Variants in GNG12 observed in about 807,000 individuals in gnomAD.
The protein encoded by GNG12 is G protein subunit gamma 12.
For synonymous variants in GNG12, 28 were observed against 29.7 expected (o/e 0.94, Z 0.19); for missense variants, 69 against 83.8 (o/e 0.82, Z 0.69).
At chr1:67,799,492 C>A (rs1472798644) in intron 1 of GNG12, among the ~76,000 whole-genome samples, 1 of 152,078 alleles carries the variant, frequency 6.6e-6, no homozygotes. Context: ...TAGGTACTGC[C>A]AATGAACCCA....
chr1:67,760,492 G>T (rs559546538), intron 2 of GNG12, among the ~76,000 whole-genome samples: 2 of 152,284 alleles, frequency 1.3e-5, no homozygotes, highest in Non-Finnish European at 2.9e-5. Flanking sequence ...GCTGATGGAC[G>T]GGTGATGTGT....
chr1:67,803,126 T>G (rs770359736), intron 1 of GNG12, among the ~76,000 whole-genome samples: 37 of 152,214 alleles, frequency 2.4e-4, no homozygotes, highest in Non-Finnish European at 4.7e-4. Context: ...AAACATTTCT[T>G]AGATTACATT....
chr1:67,832,553 T>C (rs1647053462), intron 1 of GNG12: 1 of 151,740 alleles, frequency 6.6e-6, no homozygotes, highest in South Asian at 2.1e-4. Context: ...TATGCCCTAA[T>C]TAAAATGAAA....
At chr1:67,732,370 C>T (rs1018771826) in intron 2 of GNG12, among the ~76,000 whole-genome samples, 2 of 152,244 alleles carry the variant, frequency 1.3e-5, no homozygotes, top group African/African-American at 4.8e-5. Flanking sequence ...CAGCCTAACC[C>T]TTGGCCTTGT....
chr1:67,831,143 T>C (rs1170006672), intron 1 of GNG12, among the ~76,000 whole-genome samples: 1 of 152,242 alleles, frequency 6.6e-6, no homozygotes, highest in Non-Finnish European at 1.5e-5. Flanking sequence ...AAAAATTTAC[T>C]TGCTTTCACA....
Position 67,833,453 on chromosome 1 carries a change from C to T in GNG12, c.-186G>A. 1 of 985,492 alleles carries T rather than the reference C, an allele frequency of 1.0e-6. No homozygotes were observed. Among genetic ancestry groups the T allele is most frequent in the Non-Finnish European group, 1.2e-6 (1 of 830,268 alleles). The allele number at this position is 985,492 out of a possible 1,614,324, so 61.0% of individuals were successfully genotyped here. A position where few individuals can be genotyped will look rare whatever the true frequency, so the allele number is the denominator to read the frequency against. On this transcript the variant is annotated 5_prime_UTR_variant, in exon 1 of 4. Transcript: ENST00000370982. Reference sequence around the variant, plus strand: ...CTCCTCCTCTTGCTCCTCCGGGCGCCGGCTCCGCCTCGCTGGGGTGGGCGG... The same window carrying T: ...CTCCTCCTCTTGCTCCTCCGGGCGCTGGCTCCGCCTCGCTGGGGTGGGCGG...
intron 1 of GNG12, among the ~76,000 whole-genome samples, chr1:67,790,522 C>G (rs1316075190): frequency 6.6e-6 from 1 of 152,162 alleles, no homozygotes; most frequent in Non-Finnish European, 1.5e-5. Context: ...ATCCCTTTTC[C>G]TCAGATCCCC....
chr1:67,710,750 C>G (rs537684537), intron 2 of GNG12, among the ~76,000 whole-genome samples: 2 of 152,146 alleles, frequency 1.3e-5, no homozygotes, highest in Non-Finnish European at 2.9e-5. Context: ...CTGATATCTG[C>G]GTTCAGACCT....
intron 1 of GNG12, among the ~76,000 whole-genome samples, chr1:67,781,640 A>G (rs1646738228): frequency 6.6e-6 from 1 of 152,172 alleles, no homozygotes; most frequent in Non-Finnish European, 1.5e-5. Context: ...TGAAGAGGCA[A>G]TAGTGAACAA....
At chr1:67,726,049 T>A (rs191577792) in intron 2 of GNG12, among the ~76,000 whole-genome samples, 20 of 152,334 alleles carry the variant, frequency 1.3e-4, no homozygotes, top group Admixed American at 1.1e-3. Flanking sequence ...TGAAGTGGAA[T>A]GGAGTAGGAG....
chr1:67,744,873 T>C (rs1646500084), intron 2 of GNG12, among the ~76,000 whole-genome samples: 1 of 152,220 alleles, frequency 6.6e-6, no homozygotes, highest in Non-Finnish European at 1.5e-5. Flanking sequence ...AATGTGATCC[T>C]ATTTAAAACT....
At chr1:67,820,393 A>G (rs1646978318) in intron 1 of GNG12, among the ~76,000 whole-genome samples, 1 of 147,258 alleles carries the variant, frequency 6.8e-6, no homozygotes, top group Non-Finnish European at 1.5e-5. Flanking sequence ...AAAAAAAAAA[A>G]AAGATCAACT....
At chr1:67,783,170 A>G (rs1210682642) in intron 1 of GNG12, among the ~76,000 whole-genome samples, 1 of 152,218 alleles carries the variant, frequency 6.6e-6, no homozygotes, top group Non-Finnish European at 1.5e-5. Flanking sequence ...TTCATTTCAA[A>G]TATTTCAGTA....
intron 2 of GNG12, among the ~76,000 whole-genome samples, chr1:67,724,188 G>A (rs936048075): frequency 5.3e-5 from 8 of 152,172 alleles, no homozygotes; most frequent in Non-Finnish European, 1.0e-4. Flanking sequence ...GAGTGAAGAT[G>A]TGCAAAGAGG....
At chr1:67,745,334 G>A (rs1389422351) in intron 2 of GNG12, among the ~76,000 whole-genome samples, 2 of 152,208 alleles carry the variant, frequency 1.3e-5, no homozygotes, top group Non-Finnish European at 1.5e-5. Flanking sequence ...ACATTTGGAA[G>A]AGTCCTGGGC....
intron 1 of GNG12, among the ~76,000 whole-genome samples, chr1:67,784,480 TA>T (rs1314272166): frequency 2.6e-5 from 4 of 151,264 alleles, no homozygotes; most frequent in African/African-American, 9.7e-5. Flanking sequence ...ATTAAAAAAA[TA>T]AAAATAAATA....
At chr1:67,753,724 C>A (rs992651901) in intron 2 of GNG12, among the ~76,000 whole-genome samples, 1 of 152,190 alleles carries the variant, frequency 6.6e-6, no homozygotes, top group African/African-American at 2.4e-5. Flanking sequence ...CTAAAGTGTT[C>A]GGTCAGTGGT....
At chr1:67,787,033 A>AGTG (rs1646773724) in intron 1 of GNG12, among the ~76,000 whole-genome samples, 1 of 62,212 alleles carries the variant, frequency 1.6e-5, no homozygotes, top group African/African-American at 5.5e-5. Context: ...ATGTATGTGT[A>AGTG]TAAGTGTGTG....
At chr1:67,806,806 A>T (rs184284643) in intron 1 of GNG12, among the ~76,000 whole-genome samples, 1 of 152,330 alleles carries the variant, frequency 6.6e-6, no homozygotes, top group East Asian at 1.9e-4. Flanking sequence ...AGAACTTAAA[A>T]GACAAATAGA....
Sources: allele counts gnomAD v4.1 joint callset (sites outside exome capture counted in the v4.1 genomes callset), GRCh38; gene constraint gnomAD v4.1.1; transcripts MANE v1.5; gene names NCBI Gene and HGNC (gene_info 2026-07-23, HGNC 2026-07-21).